Variants in ARHGAP35 observed in about 807,000 individuals in gnomAD.
The protein encoded by ARHGAP35 is rho GTPase-activating protein 35.
In ARHGAP35, 15 loss-of-function variants were observed where a neutral mutation model predicts 111.1. That is an observed-to-expected ratio of 0.13 (90% CI 0.09 to 0.21). The LOEUF (loss-of-function observed/expected upper bound fraction) is 0.21. ARHGAP35 is among the 10% of genes least tolerant of loss of function. The probability of loss-of-function intolerance (pLI) is 1.00; values close to 1 mark genes in which losing one functional copy is unlikely to be tolerated. For synonymous variants in ARHGAP35, 643 were observed against 710.3 expected (o/e 0.91, Z 1.51); for missense variants, 1,262 against 1,873.0 (o/e 0.67, Z 6.02).
At chr19:46,985,823 A>G (rs2056646297) in intron 3 of ARHGAP35, among the ~76,000 whole-genome samples, 1 of 152,038 alleles carries the variant, frequency 6.6e-6, no homozygotes. Flanking sequence ...CCTTGGTGCA[A>G]TTAACAGCTT....
chr19:46,950,577 CTG>C (rs2056406046), intron 3 of ARHGAP35, among the ~76,000 whole-genome samples: 1 of 152,238 alleles, frequency 6.6e-6, no homozygotes, highest in Non-Finnish European at 1.5e-5. Context: ...GGGGATCTCT[CTG>C]TGTTACTGAG....
chr19:46,998,026 C>A (rs542443289), intron 5 of ARHGAP35, among the ~76,000 whole-genome samples: 1 of 151,996 alleles, frequency 6.6e-6, no homozygotes, highest in South Asian at 2.1e-4. Flanking sequence ...GGTGTGAACT[C>A]AGGAGGCGGA....
chr19:46,940,055 T>C (rs1423783891), intron 3 of ARHGAP35, among the ~76,000 whole-genome samples: 2 of 151,002 alleles, frequency 1.3e-5, no homozygotes, highest in Admixed American at 6.6e-5. Context: ...GCCAACATGG[T>C]GAAACCCCGT....
chr19:46,892,605 A>T (rs1327206716), intron 1 of ARHGAP35, among the ~76,000 whole-genome samples: 2 of 151,646 alleles, frequency 1.3e-5, no homozygotes, highest in Non-Finnish European at 1.5e-5. Context: ...GAAGTATGTA[A>T]TGAAGATACA....
chr19:46,898,511 C>T (rs1182165402), intron 1 of ARHGAP35, among the ~76,000 whole-genome samples: 3 of 152,086 alleles, frequency 2.0e-5, no homozygotes, highest in African/African-American at 7.2e-5. Flanking sequence ...AGTCCTCATT[C>T]CTTTGTCATT....
rs2122237662 is a variant in ARHGAP35 at position 46,945,320 on chromosome 19, G to A, written c.3826+7912G>A. On this transcript the variant is annotated intron_variant, in intron 3 of 6. Coordinates refer to ENST00000672722, the MANE Select transcript of ARHGAP35 (RefSeq NM_004491.5). This position sits in a 1 kb window ranked among gnomAD's most constrained non-coding sequence, Gnocchi z 4.1. ...AGTCACTGCTCCCTTCTGCAGCAGT[G>A]TGGCTCCTAATGACAGAGAACATTG... Among the ~76,000 whole-genome samples the A allele has an allele frequency of 6.6e-6, 1 of 152,256 alleles. No homozygotes were observed. Among genetic ancestry groups the A allele is most frequent in the Non-Finnish European group, 1.5e-5 (1 of 68,012 alleles).
intron 1 of ARHGAP35, among the ~76,000 whole-genome samples, chr19:46,913,008 TAAC>T (rs2056146340): frequency 1.3e-5 from 2 of 152,038 alleles, no homozygotes; most frequent in African/African-American, 4.8e-5. Context: ...AAAATTGTGA[TAAC>T]AAGTATTTTA....
chr19:46,885,587 T>C (rs2055989530), intron 1 of ARHGAP35, among the ~76,000 whole-genome samples: 2 of 152,200 alleles, frequency 1.3e-5, no homozygotes, highest in South Asian at 4.1e-4. Context: ...GGTGATTTCA[T>C]ATACTAACCT....
intron 1 of ARHGAP35, among the ~76,000 whole-genome samples, chr19:46,914,014 A>C (rs985271102): frequency 2.6e-5 from 4 of 152,048 alleles, no homozygotes; most frequent in Admixed American, 2.6e-4. Flanking sequence ...ACCTCTTAGA[A>C]CTAAGTTGAA....
At chr19:46,878,161 C>T (rs532538551) in intron 1 of ARHGAP35, among the ~76,000 whole-genome samples, 3 of 152,186 alleles carry the variant, frequency 2.0e-5, no homozygotes, top group East Asian at 3.9e-4. Flanking sequence ...GCTGGAACTA[C>T]AGATGCGCAC....
intron 1 of ARHGAP35, among the ~76,000 whole-genome samples, chr19:46,861,973 G>A (rs1299599259): frequency 2.0e-5 from 3 of 152,234 alleles, no homozygotes; most frequent in African/African-American, 7.2e-5. Flanking sequence ...GATGCCCCTC[G>A]GCTGGCTTTC....
At chr19:46,888,937 T>C (rs1599800536) in intron 1 of ARHGAP35, among the ~76,000 whole-genome samples, 1 of 144,978 alleles carries the variant, frequency 6.9e-6, no homozygotes, top group South Asian at 2.2e-4. Flanking sequence ...GGGGTGGAGG[T>C]TGCAGTGAGC....
intron 3 of ARHGAP35, among the ~76,000 whole-genome samples, chr19:46,987,218 CTT>C (rs370500363): frequency 1.6e-4 from 18 of 115,572 alleles, no homozygotes; most frequent in Admixed American, 6.3e-4. Flanking sequence ...TCTTTTTTTT[CTT>C]TTTTTTTTTT....
At chr19:46,950,762 G>A (rs1424957438) in intron 3 of ARHGAP35, among the ~76,000 whole-genome samples, 1 of 152,122 alleles carries the variant, frequency 6.6e-6, no homozygotes, top group African/African-American at 2.4e-5. Flanking sequence ...GTTTTGCATT[G>A]AGTCTGTGGT....
chr19:46,878,875 CATG>C lies in ARHGAP35; in HGVS notation c.-189+17667_-189+17669del, dbSNP rs747461298. Among the ~76,000 whole-genome samples the C allele has an allele frequency of 1.2e-3, 183 of 152,234 alleles. 3 individuals are homozygous for C. The highest frequency in any genetic ancestry group is 4.4e-3 in the East Asian group (23 of 5,182). ...GCCTTGATGCTGATGGCTTCTGACT[CATG>C]GTGGTGGTTACTGAAGGTTGGGCTG... On this transcript the variant is annotated intron_variant, in intron 1 of 6. Transcript: ENST00000672722.
chr19:47,004,419 T>G lies in ARHGAP35; in HGVS notation c.*3731T>G, dbSNP rs2056765457. The G allele has an allele frequency of 6.6e-6, 1 of 152,320 alleles. No individual in the cohort carries two copies. The highest frequency in any genetic ancestry group is 2.4e-5 in the African/African-American group (1 of 41,450). The allele number at this position is 152,320 out of a possible 1,614,324, so 9.4% of individuals were successfully genotyped here. On this transcript the variant is annotated 3_prime_UTR_variant, in exon 7 of 7. Transcript: ENST00000672722. ...GGGCTGGCCTCCCCCAGCCCTCCCG[T>G]GGCGGAGCCGGCAGCGATGCTACAG...
rs941458868 is a variant in ARHGAP35 at position 47,003,011 on chromosome 19, T to A, written c.*2323T>A. On this transcript the variant is annotated 3_prime_UTR_variant, in exon 7 of 7. Coordinates refer to ENST00000672722, the MANE Select transcript of ARHGAP35 (RefSeq NM_004491.5). ...TCAGCCAAGGTGGGCAGGCAGGGAC[T>A]GTGGCAGCTTATGTCCAAAGGGAGC... The A allele has an allele frequency of 6.6e-6, 1 of 152,394 alleles. No individual in the cohort carries two copies. The highest frequency in any genetic ancestry group is 2.4e-5 in the African/African-American group (1 of 41,470). 9.4% of individuals were successfully genotyped at this position (152,394 alleles called of 1,614,324 possible).
At chr19:46,902,627 G>A (rs2056087719) in intron 1 of ARHGAP35, among the ~76,000 whole-genome samples, 1 of 152,144 alleles carries the variant, frequency 6.6e-6, no homozygotes, top group South Asian at 2.1e-4. Flanking sequence ...AACTGGCTGA[G>A]CTTAGCTTTC....
intron 3 of ARHGAP35, among the ~76,000 whole-genome samples, chr19:46,958,155 G>A (rs540799291): frequency 5.3e-5 from 8 of 152,110 alleles, no homozygotes; most frequent in African/African-American, 1.7e-4. Context: ...AGGCCGAGGC[G>A]GGCGGATCAC....
Sources: allele counts gnomAD v4.1 joint callset (sites outside exome capture counted in the v4.1 genomes callset), GRCh38; gene constraint gnomAD v4.1.1; non-coding constraint Gnocchi (gnomAD v3.1); transcripts MANE v1.5; gene names NCBI Gene and HGNC (gene_info 2026-07-23, HGNC 2026-07-21).